FHIT: variants seen among roughly 807,000 people sequenced by gnomAD.
FHIT encodes the protein fragile histidine triad diadenosine triphosphatase.
Under a neutral mutation model 17.9 loss-of-function variants are expected in FHIT, and 19 were observed. The observed-to-expected ratio is 1.06, with a 90% CI of 0.74 to 1.56. FHIT has a LOEUF of 1.56. Among genes scored for constraint, FHIT ranks in the 40% most tolerant of loss-of-function variants. The pLI, the probability that FHIT is intolerant of heterozygous loss-of-function variation, is 0.00. For synonymous variants in FHIT, 81 were observed against 69.7 expected (o/e 1.16, Z -0.81); for missense variants, 248 against 189.2 (o/e 1.31, Z -1.82).
rs948628449 is a variant in FHIT, at chr3:61,137,956, T to C, written c.-164+62661A>G. Reference sequence around the variant, plus strand: ...CCTCTCTCTTGCTCCGAAAGACAGTTATACAGTGGCTACAAGTATGAGCTC... The same window carrying C: ...CCTCTCTCTTGCTCCGAAAGACAGTCATACAGTGGCTACAAGTATGAGCTC... On this transcript the variant is annotated intron_variant, in intron 2 of 9. Transcript: ENST00000492590. Among the ~76,000 whole-genome samples, 7 of 152,178 alleles carry C rather than the reference T, an allele frequency of 4.6e-5. 1 individual carries two copies. The highest frequency in any genetic ancestry group is 2.6e-4 in the Admixed American group (4 of 15,278).
intron 4 of FHIT, among the ~76,000 whole-genome samples, chr3:60,686,900 C>A (rs1212349242): frequency 6.6e-6 from 1 of 152,180 alleles, no homozygotes; most frequent in Non-Finnish European, 1.5e-5. Flanking sequence ...GTGTCTTCAA[C>A]CCCCTTCGAG....
chr3:61,248,977 T>C (rs1275498446), intron 1 of FHIT, among the ~76,000 whole-genome samples: 1 of 152,242 alleles, frequency 6.6e-6, no homozygotes, highest in East Asian at 1.9e-4. Context: ...GTCCTTATCA[T>C]CTATGTGGTC....
intron 2 of FHIT, among the ~76,000 whole-genome samples, chr3:61,169,094 T>C (rs2107125302): frequency 6.6e-6 from 1 of 152,266 alleles, no homozygotes; most frequent in African/African-American, 2.4e-5. Flanking sequence ...AAAAAAATTA[T>C]TACATTTCAA....
chr3:60,229,312 G>A (rs1242891671), intron 5 of FHIT, among the ~76,000 whole-genome samples: 1 of 151,976 alleles, frequency 6.6e-6, no homozygotes. Flanking sequence ...AGCTACTTGG[G>A]AGGCTGAGGC....
chr3:61,030,559 A>C (rs969786952), intron 3 of FHIT, among the ~76,000 whole-genome samples: 2 of 152,242 alleles, frequency 1.3e-5, no homozygotes, highest in Non-Finnish European at 1.5e-5. Context: ...TATTGGACAC[A>C]TCACTGAACA....
intron 4 of FHIT, among the ~76,000 whole-genome samples, chr3:60,736,723 C>G (rs2042140065): frequency 6.6e-6 from 1 of 152,110 alleles, no homozygotes; most frequent in Non-Finnish European, 1.5e-5. Flanking sequence ...GTGGTAATGG[C>G]TACTCAACTT....
At chr3:60,532,809 T>C (rs898711519) in intron 5 of FHIT, among the ~76,000 whole-genome samples, 4 of 152,270 alleles carry the variant, frequency 2.6e-5, no homozygotes, top group Admixed American at 2.0e-4. Context: ...TTTTTCTTTC[T>C]CTGAAAGCTA....
At chr3:60,447,000 C>T (rs529718980) in intron 5 of FHIT, among the ~76,000 whole-genome samples, 1 of 151,982 alleles carries the variant, frequency 6.6e-6, no homozygotes, top group Non-Finnish European at 1.5e-5. Context: ...AACTTCTATG[C>T]TTGTCTCTTC....
intron 5 of FHIT, among the ~76,000 whole-genome samples, chr3:60,401,926 C>T (rs2107192201): frequency 6.6e-6 from 1 of 152,258 alleles, no homozygotes; most frequent in East Asian, 1.9e-4. Flanking sequence ...CATTTCTTCT[C>T]TGAAGCCTTT....
At chr3:60,812,701 G>A (rs1553736488) in intron 4 of FHIT, among the ~76,000 whole-genome samples, 2 of 151,276 alleles carry the variant, frequency 1.3e-5, no homozygotes, top group South Asian at 2.1e-4. Flanking sequence ...TATCTTCAAG[G>A]GAGTCCACAA....
At chr3:60,205,893 G>C (rs980895661) in intron 5 of FHIT, among the ~76,000 whole-genome samples, 13 of 151,718 alleles carry the variant, frequency 8.6e-5, no homozygotes, top group Non-Finnish European at 1.9e-4. Flanking sequence ...CAGATCATGA[G>C]GTCAGGTGAT....
chr3:59,809,259 G>A (rs1050828839), intron 8 of FHIT, among the ~76,000 whole-genome samples: 1 of 152,148 alleles, frequency 6.6e-6, no homozygotes, highest in African/African-American at 2.4e-5. Flanking sequence ...TCCGTGACTG[G>A]TGTCCTTATA....
chr3:60,225,346 A>G (rs142712636), intron 5 of FHIT, among the ~76,000 whole-genome samples: 130 of 152,326 alleles, frequency 8.5e-4, no homozygotes, highest in African/African-American at 3.0e-3. Context: ...TGTCCTGCCA[A>G]TGGAACAGAA....
At chr3:60,704,577 T>A (rs2041326708) in intron 4 of FHIT, among the ~76,000 whole-genome samples, 1 of 152,182 alleles carries the variant, frequency 6.6e-6, no homozygotes, top group Non-Finnish European at 1.5e-5. Flanking sequence ...TATTGTTACA[T>A]AGAGCAAGAC....
At chr3:60,486,824 A>G (rs1318570152) in intron 5 of FHIT, among the ~76,000 whole-genome samples, 2 of 150,910 alleles carry the variant, frequency 1.3e-5, no homozygotes, top group East Asian at 2.1e-4. Flanking sequence ...TAATGCCACT[A>G]AAATTTCTCA....
intron 3 of FHIT, among the ~76,000 whole-genome samples, chr3:60,984,786 GT>G (rs1220095863): frequency 2.9e-3 from 4 of 1,386 alleles, no homozygotes; most frequent in Non-Finnish European, 4.4e-3. Flanking sequence ...TCATGAAGGG[GT>G]GTGTGTGTGT....
At chr3:60,773,976 C>T (rs1032962760) in intron 4 of FHIT, among the ~76,000 whole-genome samples, 2 of 152,316 alleles carry the variant, frequency 1.3e-5, no homozygotes, top group East Asian at 3.9e-4. Context: ...ATGGGCTACT[C>T]ATTTTAAGGA....
chr3:60,129,585 G>T (rs534274332), intron 5 of FHIT, among the ~76,000 whole-genome samples: 2 of 152,080 alleles, frequency 1.3e-5, no homozygotes, highest in Non-Finnish European at 2.9e-5. Context: ...CTTTTCTTCT[G>T]AGTAATATAT....
At chr3:60,183,256 G>C (rs1175497668) in intron 5 of FHIT, among the ~76,000 whole-genome samples, 1 of 152,028 alleles carries the variant, frequency 6.6e-6, no homozygotes, top group African/African-American at 2.4e-5. Context: ...AAATTAGCTA[G>C]GTGTGGTGGT....
Sources: gnomAD v4.1 joint callset for allele counts (sites outside exome capture counted in the v4.1 genomes callset) on GRCh38, gnomAD v4.1.1 for gene constraint, MANE v1.5 for transcripts, NCBI Gene and HGNC (gene_info 2026-07-23, HGNC 2026-07-21) for gene names.